IL2RA: variants seen among roughly 807,000 people sequenced by gnomAD.
IL2RA encodes the protein interleukin 2 receptor subunit alpha, also known as interleukin-2 receptor subunit alpha.
A neutral mutation model predicts 37.8 loss-of-function variants in IL2RA; 24 were observed. The ratio of observed to expected loss-of-function variants is 0.63; its 90% CI spans 0.46 to 0.89. The LOEUF is 0.89. IL2RA is among the 40% of genes least tolerant of loss of function. IL2RA has a pLI of 0.00. For missense variants in IL2RA, 319 were observed against 348.6 expected (o/e 0.92, Z 0.68); for synonymous variants, 125 against 114.6 (o/e 1.09, Z -0.58).
Position 6,056,600 on chromosome 10 carries a change from A to G in IL2RA, c.64+5488T>C, listed in dbSNP as rs181947705. On this transcript the variant is annotated intron_variant, in intron 1 of 7. Transcript: ENST00000379959. This position sits in a 1 kb window ranked among gnomAD's most constrained non-coding sequence, Gnocchi z 5.0. ...AAACCCCCTCTCTACTAAAATTACA[A>G]AAAAGGAGCCAGGCATGGTGGTGCA... Among the ~76,000 whole-genome samples the G allele has an allele frequency of 6.6e-6, 1 of 152,244 alleles. No homozygotes were observed. Among genetic ancestry groups the G allele is most frequent in the East Asian group, 1.9e-4 (1 of 5,172 alleles).
rs1055143949 is a variant in IL2RA, at chr10:6,011,337, C to A, written c.*1535G>T. On this transcript the variant is annotated 3_prime_UTR_variant, in exon 8 of 8. Coordinates refer to ENST00000379959, the MANE Select transcript of IL2RA (RefSeq NM_000417.3). The surrounding 1 kb of genome is among the most constrained non-coding windows in gnomAD (Gnocchi z 5.2). ...TGGGTGGGCGTGCAGAGCAATAACA[C>A]AATGGTTCTCAAAGTGTGTTCCTGG... is the stretch of plus-strand genomic sequence containing the variant. The A allele has an allele frequency of 6.6e-6, 1 of 151,876 alleles. No individual in the cohort carries two copies. Among genetic ancestry groups the A allele is most frequent in the Admixed American group, 6.6e-5 (1 of 15,236 alleles). 9.4% of individuals were successfully genotyped at this position (151,876 alleles called of 1,614,324 possible).
chr10:6,020,018 G>T lies in IL2RA; in HGVS notation c.584-77C>A. 1 of 1,289,798 alleles carries T rather than the reference G, an allele frequency of 7.8e-7. No individual in the cohort carries two copies. Among genetic ancestry groups the T allele is most frequent in the Non-Finnish European group, 1.1e-6 (1 of 886,394 alleles). 79.9% of individuals were successfully genotyped at this position (1,289,798 alleles called of 1,614,324 possible). On this transcript the variant is annotated intron_variant, in intron 4 of 7. Coordinates refer to ENST00000379959, the MANE Select transcript of IL2RA (RefSeq NM_000417.3). This position sits in a 1 kb window ranked among gnomAD's most constrained non-coding sequence, Gnocchi z 5.6. ...CTCACTCCCACCCCGCCTGCCCCAGGCAGCCGGCCCCAGACACGCCCGAGG... is the reference window on the plus strand; with the variant it reads ...CTCACTCCCACCCCGCCTGCCCCAGTCAGCCGGCCCCAGACACGCCCGAGG...
chr10:6,019,504 G>T lies in IL2RA; in HGVS notation c.656-5C>A. On this transcript the variant is annotated splice_region_variant and splice_polypyrimidine_tract_variant and intron_variant, in intron 5 of 7. Transcript: ENST00000379959. ...TTTCTGTCTGTATTTGAAAATCTGT[G>T]AAAAAGAGATAAAGAGAGACACTCC... 1.9e-6 allele frequency: 3 copies of T among 1,607,818 alleles called. No individual in the cohort carries two copies. Among genetic ancestry groups the T allele is most frequent in the Non-Finnish European group, 2.6e-6 (3 of 1,174,306 alleles).
At chr10:6,042,603 T>C (rs895531072) in intron 1 of IL2RA, among the ~76,000 whole-genome samples, 3 of 152,118 alleles carry the variant, frequency 2.0e-5, no homozygotes, top group Non-Finnish European at 1.5e-5. Flanking sequence ...AACGTCTACT[T>C]AGAAGATCCA....
At chr10:6,042,213 C>T (rs1010113594) in intron 1 of IL2RA, among the ~76,000 whole-genome samples, 5 of 125,996 alleles carry the variant, frequency 4.0e-5, no homozygotes, top group South Asian at 5.1e-4. Flanking sequence ...AATGGTTTAA[C>T]GTTAGAAAAT....
At position 6,036,999 on chromosome 10, in the gene IL2RA, G is replaced by A. The variant is rs1035368436; in HGVS notation, c.65-10974C>T. 1.2e-4 allele frequency among the ~76,000 whole-genome samples: 18 copies of A among 152,154 alleles called. No homozygotes were observed. The highest frequency in any genetic ancestry group is 3.4e-4 in the African/African-American group (14 of 41,414). ...TGCTGGGGCTGCAGAGCCCCAGGCC[G>A]CACTTGGAGTATGAGAGTTTCCAGG... On this transcript the variant is annotated intron_variant, in intron 1 of 7. Transcript: ENST00000379959. This position sits in a 1 kb window ranked among gnomAD's most constrained non-coding sequence, Gnocchi z 6.1.
At chr10:6,030,421 C>T (rs1273223011) in intron 1 of IL2RA, among the ~76,000 whole-genome samples, 5 of 152,042 alleles carry the variant, frequency 3.3e-5, no homozygotes, top group African/African-American at 7.3e-5. Flanking sequence ...GTACCTACAG[C>T]GGAACGATGA....
At chr10:6,031,241 TA>T (rs1454083146) in intron 1 of IL2RA, among the ~76,000 whole-genome samples, 12 of 150,946 alleles carry the variant, frequency 7.9e-5, no homozygotes, top group African/African-American at 2.9e-4. Flanking sequence ...TTAAATACAA[TA>T]AAAATGATGG....
In IL2RA at chr10:6,024,353, G is replaced by A. The variant is rs1259805161; in HGVS notation, c.258C>T (p.Ala86=). 1 of 1,603,246 alleles carries A rather than the reference G, an allele frequency of 6.2e-7. No homozygotes were observed. The highest frequency in any genetic ancestry group is 8.5e-7 in the Non-Finnish European group (1 of 1,170,134). Residue 86 remains alanine, a splice_region_variant and synonymous_variant, in exon 3 of 8, where the codon GCC becomes GCT. Coordinates refer to ENST00000379959, the MANE Select transcript of IL2RA (RefSeq NM_000417.3). Reference sequence around the variant, plus strand: ...TCACTTGTTTCGTTGTGTTCCGAGTGGCTAGAAAATATAGATGGAATGATG... The same window carrying A: ...TCACTTGTTTCGTTGTGTTCCGAGTAGCTAGAAAATATAGATGGAATGATG... ...WDNQCQCTSS[A]TRNTTKQVTP...
rs2132885763 is a variant in IL2RA at position 6,044,662 on chromosome 10, AC to A, written c.64+17425del. Among the ~76,000 whole-genome samples the A allele has an allele frequency of 6.6e-6, 1 of 152,258 alleles. No individual in the cohort carries two copies. Among genetic ancestry groups the A allele is most frequent in the South Asian group, 2.1e-4 (1 of 4,818 alleles). On this transcript the variant is annotated intron_variant, in intron 1 of 7. Coordinates refer to ENST00000379959, the MANE Select transcript of IL2RA (RefSeq NM_000417.3). The surrounding 1 kb of genome is among the most constrained non-coding windows in gnomAD (Gnocchi z 4.5). ...CCTCGGGGGTTGAGTCCCAACTTCT[AC>A]CTCAGTAGGAAGATTTTTAAATGGC... is the stretch of plus-strand genomic sequence containing the variant.
At chr10:6,038,225 G>A (rs1472220752) in intron 1 of IL2RA, among the ~76,000 whole-genome samples, 2 of 152,212 alleles carry the variant, frequency 1.3e-5, no homozygotes, top group Non-Finnish European at 2.9e-5. Context: ...TCTTCAGGAA[G>A]GAGCGTGCTT....
intron 7 of IL2RA, among the ~76,000 whole-genome samples, chr10:6,013,962 G>A (rs1839235015): frequency 6.6e-6 from 1 of 151,362 alleles, no homozygotes; most frequent in South Asian, 2.1e-4. Context: ...CTTACCAGTA[G>A]CTGGGACTAC....
In IL2RA at chr10:6,025,066, C is replaced by T. The variant is rs1839457510; in HGVS notation, c.257-712G>A. Among the ~76,000 whole-genome samples the T allele has an allele frequency of 6.6e-6, 1 of 152,098 alleles. No homozygotes were observed. Among genetic ancestry groups the T allele is most frequent in the Non-Finnish European group, 1.5e-5 (1 of 68,010 alleles). ...TGGACAACATGGGGAAACCCCATCA[C>T]TAACAAAAAATACAAAATATTAGCC... is the stretch of plus-strand genomic sequence containing the variant. On this transcript the variant is annotated intron_variant, in intron 2 of 7. Transcript: ENST00000379959. The surrounding 1 kb of genome is among the most constrained non-coding windows in gnomAD (Gnocchi z 4.4).
At position 6,028,166 on chromosome 10, in the gene IL2RA, A is replaced by G. The variant is rs944452338; in HGVS notation, c.65-2141T>C. 2.0e-5 allele frequency among the ~76,000 whole-genome samples: 3 copies of G among 152,062 alleles called. No homozygotes were observed. Among genetic ancestry groups the G allele is most frequent in the African/African-American group, 7.3e-5 (3 of 41,370 alleles). On this transcript the variant is annotated intron_variant, in intron 1 of 7. Transcript: ENST00000379959. The surrounding 1 kb of genome is among the most constrained non-coding windows in gnomAD (Gnocchi z 4.1). ...CCCGGCAGCACCCAGGTGGAACCCAAGCAGAGTGGTTTCATTGACGTGACA... is the reference window on the plus strand; with the variant it reads ...CCCGGCAGCACCCAGGTGGAACCCAGGCAGAGTGGTTTCATTGACGTGACA...
intron 5 of IL2RA, among the ~76,000 whole-genome samples, 163 bp downstream of exon 5, chr10:6,019,707 G>T (rs1476155054): frequency 6.6e-6 from 1 of 152,122 alleles, no homozygotes; most frequent in Non-Finnish European, 1.5e-5. Context: ...TTGCTTTGGG[G>T]CCTGCAGGTT....
rs566973077 is a variant in IL2RA at position 6,057,347 on chromosome 10, G to A, written c.64+4741C>T. ...GGAAATAACCCACAATGAGACATCA[G>A]GCTTGGGTGCATTGATACACAAAAG... On this transcript the variant is annotated intron_variant, in intron 1 of 7. Transcript: ENST00000379959. The surrounding 1 kb of genome is among the most constrained non-coding windows in gnomAD (Gnocchi z 4.8). Among the ~76,000 whole-genome samples, 49 of 152,310 alleles carry A rather than the reference G, an allele frequency of 3.2e-4. 1 individual carries two copies. Among genetic ancestry groups the A allele is most frequent in the African/African-American group, 1.0e-3 (43 of 41,566 alleles).
At position 6,021,064 on chromosome 10, in the gene IL2RA, T is replaced by TC. The variant is rs1394286146; in HGVS notation, c.583+413dup. On this transcript the variant is annotated intron_variant, in intron 4 of 7. Transcript: ENST00000379959. The surrounding 1 kb of genome is among the most constrained non-coding windows in gnomAD (Gnocchi z 4.9). The stretch of plus-strand genomic sequence containing the variant: ...GAACATGCTGACCGTGGAGGGCTGT[T>TC]CAGATCATGCATTTACACGATCACC... Among the ~76,000 whole-genome samples, 2 of 152,078 alleles carry TC rather than the reference T, an allele frequency of 1.3e-5. No individual in the cohort carries two copies. Among genetic ancestry groups the TC allele is most frequent in the Non-Finnish European group, 2.9e-5 (2 of 68,010 alleles).
chr10:6,053,947 C>T (rs148465568), intron 1 of IL2RA, among the ~76,000 whole-genome samples: 6 of 152,362 alleles, frequency 3.9e-5, no homozygotes, highest in African/African-American at 7.2e-5. Context: ...CATGGGCCAG[C>T]GAGCTCATCC....
chr10:6,045,829 C>T (rs1839846072), intron 1 of IL2RA, among the ~76,000 whole-genome samples: 1 of 152,016 alleles, frequency 6.6e-6, no homozygotes, highest in Non-Finnish European at 1.5e-5. Context: ...TAAAGAAACA[C>T]AGAATAAGTA....
Sources: gnomAD v4.1 joint callset for allele counts (sites outside exome capture counted in the v4.1 genomes callset) on GRCh38, gnomAD v4.1.1 for gene constraint, Gnocchi (gnomAD v3.1) non-coding constraint, MANE v1.5 for transcripts, NCBI Gene and HGNC (gene_info 2026-07-23, HGNC 2026-07-21) for gene names.